Variants in PCDHA9 observed in about 807,000 individuals in gnomAD.
The protein encoded by PCDHA9 is protocadherin alpha-9.
Under a neutral mutation model 62.0 loss-of-function variants are expected in PCDHA9, and 62 were observed. The ratio of observed to expected loss-of-function variants is 1.00; its 90% CI spans 0.81 to 1.23. The LOEUF (loss-of-function observed/expected upper bound fraction) is 1.23. PCDHA9 is among the 50% of genes most tolerant of loss of function. PCDHA9 has a pLI of 0.00. For missense variants in PCDHA9, 1,205 were observed against 1,249.8 expected, an observed-to-expected ratio of 0.96 and a Z score of 0.54; for synonymous variants, 557 against 567.6, an observed-to-expected ratio of 0.98 and a Z score of 0.27.
intron 1 of PCDHA9, among the ~76,000 whole-genome samples, chr5:140,901,405 G>C (rs1366026091): frequency 6.6e-6 from 1 of 152,128 alleles, no homozygotes; most frequent in Non-Finnish European, 1.5e-5. Context: ...TGAGAGATAG[G>C]GGTCTAGTTT....
In PCDHA9 at chr5:140,885,617, T is replaced by C. The variant is rs182455292; in HGVS notation, c.2394+34728T>C. Among the ~76,000 whole-genome samples, 20 of 152,288 alleles carry C rather than the reference T, an allele frequency of 1.3e-4. No individual in the cohort carries two copies. The East Asian group carries it at 3.7e-3, about 28-fold the overall frequency. The stretch of plus-strand genomic sequence containing the variant: ...GATATTAATAATTTTAATTATAAAA[T>C]ATGTCACTGGATTGCCTTCCAAGTA... On this transcript the variant is annotated intron_variant, in intron 1 of 3. Coordinates refer to ENST00000532602, the MANE Select transcript of PCDHA9 (RefSeq NM_031857.2).
At chr5:140,854,832 T>C (rs1167287485) in intron 1 of PCDHA9, among the ~76,000 whole-genome samples, 8 of 149,892 alleles carry the variant, frequency 5.3e-5, no homozygotes, top group African/African-American at 2.0e-4. Context: ...ATGAAAAACT[T>C]CACTGACATT....
chr5:140,927,172 G>C (rs782548172), intron 1 of PCDHA9: 2 of 1,614,034 alleles, frequency 1.2e-6, no homozygotes, highest in African/African-American at 2.7e-5. Flanking sequence ...AGCTGCCTGC[G>C]TCTTGACCTA....
chr5:140,879,926 A>G (rs1214178444), intron 1 of PCDHA9, among the ~76,000 whole-genome samples: 7 of 152,170 alleles, frequency 4.6e-5, no homozygotes, highest in African/African-American at 1.4e-4. Flanking sequence ...TTACAAAGGT[A>G]CATGTGATTG....
intron 1 of PCDHA9, chr5:140,875,336 G>T: frequency 7.0e-7 from 1 of 1,438,564 alleles, no homozygotes; most frequent in Non-Finnish European, 9.1e-7. Context: ...GAATAGGATC[G>T]ACTCCATAAT....
chr5:140,935,051 C>T (rs1554210307), intron 1 of PCDHA9, among the ~76,000 whole-genome samples: 1 of 152,096 alleles, frequency 6.6e-6, no homozygotes, highest in African/African-American at 2.4e-5. Context: ...TCTGGTATTA[C>T]AAGATGTTCA....
intron 1 of PCDHA9, among the ~76,000 whole-genome samples, chr5:140,972,752 C>A (rs1332478312): frequency 1.3e-5 from 2 of 151,214 alleles, no homozygotes; most frequent in Non-Finnish European, 2.9e-5. Context: ...CAACCTCCGC[C>A]TCCCAAGTTA....
intron 3 of PCDHA9, among the ~76,000 whole-genome samples, chr5:141,001,535 G>A (rs2098024806): frequency 6.6e-6 from 1 of 152,182 alleles, no homozygotes; most frequent in South Asian, 2.1e-4. Flanking sequence ...TCTGATCCTG[G>A]ACAGGATTTG....
intron 1 of PCDHA9, among the ~76,000 whole-genome samples, chr5:140,906,524 G>A (rs1401305370): frequency 2.0e-5 from 3 of 152,156 alleles, no homozygotes; most frequent in Non-Finnish European, 2.9e-5. Context: ...AAATACTCAC[G>A]ACAATTAAAA....
chr5:140,926,921 G>A (rs1554203799), intron 1 of PCDHA9: 3 of 1,571,110 alleles, frequency 1.9e-6, no homozygotes, highest in African/African-American at 2.7e-5. Flanking sequence ...GCAGTTTTAT[G>A]TTTGTGGGTT....
chr5:140,850,691 C>A lies in PCDHA9; in HGVS notation c.2196C>A (p.Cys732Ter). 2 of 1,598,334 alleles carry A rather than the reference C, an allele frequency of 1.3e-6. No homozygotes were observed. Among genetic ancestry groups the A allele is most frequent in the Non-Finnish European group, 1.7e-6 (2 of 1,167,806 alleles). The change falls in exon 1 of 4, where the codon TGC becomes TGA. Residue 732 changes from cysteine (C) to a stop codon, truncating the protein, a stop_gained. Transcript: ENST00000532602. LOFTEE classifies it high-confidence loss of function. ...RCSAMPTEGE[C>*]APGKPTLVCS... ...CGGCGATGCCCACCGAGGGCGAGTG[C>A]GCGCCTGGCAAGCCGACGCTGGTGT... is the stretch of plus-strand genomic sequence containing the variant.
chr5:140,966,520 C>T, intron 1 of PCDHA9: 1 of 437,694 alleles, frequency 2.3e-6, no homozygotes, highest in East Asian at 3.5e-5. Context: ...CAGCAGGAAG[C>T]CGAGCCGGGT....
intron 1 of PCDHA9, among the ~76,000 whole-genome samples, chr5:140,922,237 G>A (rs2080732766): frequency 6.6e-6 from 1 of 152,156 alleles, no homozygotes; most frequent in Non-Finnish European, 1.5e-5. Flanking sequence ...ACCATGATGT[G>A]TATGAAGATA....
chr5:141,010,408 A>G lies in PCDHA9; in HGVS notation c.*471A>G. 1 of 1,251,364 alleles carries G rather than the reference A, an allele frequency of 8.0e-7. No homozygotes were observed. Among genetic ancestry groups the G allele is most frequent in the Non-Finnish European group, 1.1e-6 (1 of 926,828 alleles). 77.5% of individuals were successfully genotyped at this position (1,251,364 alleles called of 1,614,324 possible). ...GGCTGAGACGAGCCAGCTTAGACTA[A>G]TTGGTACAAGGAAGGCAAGAAAACA... On this transcript the variant is annotated 3_prime_UTR_variant, in exon 4 of 4. Transcript: ENST00000532602.
At chr5:140,917,329 G>GGGGGGGGGGGGT (rs1563018868) in intron 1 of PCDHA9, among the ~76,000 whole-genome samples, 1 of 143,928 alleles carries the variant, frequency 6.9e-6, no homozygotes, top group Non-Finnish European at 1.5e-5. Context: ...TGTGGCGGGG[G>GGGGGGGGGGGGT]AGGGGGGGGA....
chr5:140,951,365 A>G (rs987513388), intron 1 of PCDHA9, among the ~76,000 whole-genome samples: 17 of 152,160 alleles, frequency 1.1e-4, no homozygotes, highest in African/African-American at 4.1e-4. Context: ...ACTGTTATAA[A>G]GAAACACCCA....
chr5:140,993,850 G>A (rs1187946683), intron 3 of PCDHA9, among the ~76,000 whole-genome samples: 2 of 152,144 alleles, frequency 1.3e-5, no homozygotes, highest in African/African-American at 4.8e-5. Context: ...TATGTAGTAG[G>A]CTATGCCATC....
At chr5:140,854,117 G>A (rs1311675249) in intron 1 of PCDHA9, 2 of 316,896 alleles carry the variant, frequency 6.3e-6, no homozygotes, top group African/African-American at 5.1e-5. Flanking sequence ...AACTGTGATG[G>A]CACAACTGCA....
At chr5:141,000,183 A>G (rs2097895175) in intron 3 of PCDHA9, among the ~76,000 whole-genome samples, 1 of 151,898 alleles carries the variant, frequency 6.6e-6, no homozygotes, top group Non-Finnish European at 1.5e-5. Context: ...CAAGGAGTCA[A>G]TGTGAGAATA....
Sources: gnomAD v4.1 joint callset for allele counts (sites outside exome capture counted in the v4.1 genomes callset) on GRCh38, gnomAD v4.1.1 for gene constraint, MANE v1.5 for transcripts, NCBI Gene and HGNC (gene_info 2026-07-23, HGNC 2026-07-21) for gene names.